TRAF5: variants seen among roughly 807,000 people sequenced by gnomAD.
TRAF5 encodes TNF receptor associated factor 5.
A neutral mutation model predicts 64.5 loss-of-function variants in TRAF5; 48 were observed. The ratio of observed to expected loss-of-function variants is 0.74; its 90% confidence interval spans 0.59 to 0.95. The LOEUF (loss-of-function observed/expected upper bound fraction) is 0.95, where lower values mean the gene tolerates loss of function less well. Ranked by LOEUF, TRAF5 falls within the 40% of genes least tolerant of loss-of-function variation. TRAF5 has a pLI of 0.00. For missense variants in TRAF5, 545 were observed against 662.8 expected (o/e 0.82, Z 1.95); for synonymous variants, 206 against 240.5 (o/e 0.86, Z 1.33).
intron 10 of TRAF5, 92 bp from the exon 11 acceptor site, chr1:211,372,036 C>G (rs1703541831): frequency 1.8e-6 from 2 of 1,108,568 alleles, no homozygotes; most frequent in South Asian, 3.2e-5. Flanking sequence ...TTTGTTGATT[C>G]TCTTTCAGGT....
chr1:211,339,028 G>C (rs919184559), intron 1 of TRAF5, among the ~76,000 whole-genome samples: 5 of 152,188 alleles, frequency 3.3e-5, no homozygotes, highest in African/African-American at 1.2e-4. Flanking sequence ...GTTTGGTGTT[G>C]GCTGCAATGG....
At chr1:211,343,545 C>T (rs7512530) in intron 1 of TRAF5, among the ~76,000 whole-genome samples, 45 of 152,130 alleles carry the variant, frequency 3.0e-4, no homozygotes, top group African/African-American at 1.1e-3. Context: ...CCTCAGCCTC[C>T]GGAATGGCTG....
At chr1:211,368,627 T>C (rs756340496) in intron 8 of TRAF5, among the ~76,000 whole-genome samples, 1 of 152,218 alleles carries the variant, frequency 6.6e-6, no homozygotes, top group Non-Finnish European at 1.5e-5. Context: ...TTTGTTTCTG[T>C]TGTCATGTTA....
intron 9 of TRAF5, 45 bp from the exon 10 acceptor site, chr1:211,371,257 T>C (rs761013490): frequency 6.6e-7 from 1 of 1,517,134 alleles, no homozygotes; most frequent in South Asian, 1.3e-5. Context: ...ATTGCTAAAA[T>C]ATTAACTAAT....
intron 5 of TRAF5, chr1:211,360,463 C>A: frequency 1.9e-6 from 1 of 513,300 alleles, no homozygotes; most frequent in East Asian, 3.2e-5. Context: ...GTTCCCCAAT[C>A]TACCTTCTTT....
At chr1:211,356,078 T>A (rs1383660488) in intron 3 of TRAF5, among the ~76,000 whole-genome samples, 1 of 152,202 alleles carries the variant, frequency 6.6e-6, no homozygotes, top group Non-Finnish European at 1.5e-5. Context: ...AAGCTTCACC[T>A]CCTGACCTTT....
rs545497371 is a variant in TRAF5 at position 211,371,191 on chromosome 1, C to T, written c.931-111C>T. 6 of 1,006,532 alleles carry T rather than the reference C, an allele frequency of 6.0e-6. No individual in the cohort carries two copies. In the African/African-American group the frequency reaches 6.7e-5, roughly 11 times the overall value. 62.4% of individuals were successfully genotyped at this position (1,006,532 alleles called of 1,614,324 possible). ...ATTTTCTGGGCTTGTATTTTTCATT[C>T]TGTTAATTGATTAAATGTGATATGT... is the stretch of plus-strand genomic sequence containing the variant. On this transcript the variant is annotated intron_variant, in intron 9 of 10. Transcript: ENST00000261464.
intron 1 of TRAF5, among the ~76,000 whole-genome samples, chr1:211,343,057 AC>A (rs1353335824): frequency 6.6e-6 from 1 of 151,694 alleles, no homozygotes; most frequent in Non-Finnish European, 1.5e-5. Context: ...TTTCTGAGGA[AC>A]CTCCATACCG....
rs551199168 is a variant in TRAF5, at chr1:211,353,734, G to C, written c.218+277G>C. ...GACACACACTCCATCATGGGAGCTG[G>C]CTGTGGAGAAGGGCTTGAATCTCAC... On this transcript the variant is annotated intron_variant, in intron 2 of 10. Coordinates refer to ENST00000261464, the MANE Select transcript of TRAF5 (RefSeq NM_001033910.3). 27 of 459,110 alleles carry C rather than the reference G, an allele frequency of 5.9e-5. No homozygotes were observed. The East Asian group carries it at 1.1e-3, about 20-fold the overall frequency. The allele number at this position is 459,110 out of a possible 1,614,324, so 28.4% of individuals were successfully genotyped here. A position where few individuals can be genotyped will look rare whatever the true frequency, so the allele number is the denominator to read the frequency against.
chr1:211,371,538 C>A, intron 10 of TRAF5, 68 bp downstream of exon 10: 1 of 1,464,306 alleles, frequency 6.8e-7, no homozygotes, highest in Non-Finnish European at 9.3e-7. Context: ...AACAACCAAA[C>A]ACCTGGCCAA....
chr1:211,326,883 G>C lies in TRAF5; in HGVS notation c.-8G>C. On this transcript the variant is annotated 5_prime_UTR_variant, in exon 1 of 11. Transcript: ENST00000261464. This position sits in a 1 kb window ranked among gnomAD's most constrained non-coding sequence, Gnocchi z 5.0. ...CGGCCTCGCGGAGCCCGCGCGCCGAGCCCCACGTGAGTCCGGCGGGTCGCC... is the reference window on the plus strand; with the variant it reads ...CGGCCTCGCGGAGCCCGCGCGCCGACCCCCACGTGAGTCCGGCGGGTCGCC... 1.0e-6 allele frequency: 1 copy of C among 985,220 alleles called. No individual in the cohort carries two copies. The highest frequency in any genetic ancestry group is 1.2e-6 in the Non-Finnish European group (1 of 829,624). 61.0% of individuals were successfully genotyped at this position (985,220 alleles called of 1,614,324 possible).
chr1:211,327,017 T>G (rs1204714902), intron 1 of TRAF5, 128 bp downstream of exon 1: 8 of 802,932 alleles, frequency 1.0e-5, no homozygotes, highest in Non-Finnish European at 1.2e-5. Flanking sequence ...GTCCGGCCGG[T>G]CCCCGACCGG....
chr1:211,346,791 C>G (rs1157180269), intron 1 of TRAF5, among the ~76,000 whole-genome samples: 1 of 152,092 alleles, frequency 6.6e-6, no homozygotes. Flanking sequence ...GAAATGAATC[C>G]GTAGAGATAC....
At chr1:211,362,600 A>G (rs2102760334) in intron 7 of TRAF5, among the ~76,000 whole-genome samples, 1 of 152,286 alleles carries the variant, frequency 6.6e-6, no homozygotes, top group Non-Finnish European at 1.5e-5. Context: ...GAATCCCTTG[A>G]ACCCGGGAGG....
At chr1:211,370,480 C>T (rs1172556363) in intron 9 of TRAF5, among the ~76,000 whole-genome samples, 1 of 151,698 alleles carries the variant, frequency 6.6e-6, no homozygotes, top group African/African-American at 2.4e-5. Flanking sequence ...TGTGTATATA[C>T]ATTAATATGC....
intron 10 of TRAF5, 79 bp downstream of exon 10, chr1:211,371,549 A>C: frequency 3.7e-6 from 5 of 1,349,880 alleles, no homozygotes; most frequent in Non-Finnish European, 3.1e-6. Flanking sequence ...ACCTGGCCAA[A>C]TAGAGAGTCA....
intron 7 of TRAF5, among the ~76,000 whole-genome samples, chr1:211,362,705 A>C (rs529280853): frequency 2.0e-5 from 3 of 152,248 alleles, no homozygotes; most frequent in South Asian, 4.1e-4. Flanking sequence ...AAACCCCCCC[A>C]ACAACAACAA....
chr1:211,359,540 A>G, intron 4 of TRAF5: 1 of 179,538 alleles, frequency 5.6e-6, no homozygotes, highest in South Asian at 1.5e-4. Flanking sequence ...CACAAAAGAA[A>G]TAAAAATGTC....
intron 1 of TRAF5, chr1:211,346,325 C>T (rs898839482): frequency 1.7e-5 from 17 of 978,586 alleles, no homozygotes; most frequent in Admixed American, 6.2e-5. Flanking sequence ...GCAGATGCAA[C>T]GTCACAGCCT....
Sources: allele counts gnomAD v4.1 joint callset (sites outside exome capture counted in the v4.1 genomes callset), GRCh38; gene constraint gnomAD v4.1.1; non-coding constraint Gnocchi (gnomAD v3.1); transcripts MANE v1.5; gene names NCBI Gene and HGNC (gene_info 2026-07-23, HGNC 2026-07-21).